Variants in ZBTB48 observed in about 807,000 individuals in gnomAD.
ZBTB48 encodes zinc finger and BTB domain containing 48.
ZBTB48 carries 35 observed loss-of-function variants against 64.5 expected under a neutral mutation model. The observed-to-expected ratio is 0.54, with a 90% CI of 0.41 to 0.72. ZBTB48 has a LOEUF of 0.72. Among genes scored for constraint, ZBTB48 ranks in the 30% least tolerant of loss-of-function variants. The probability of loss-of-function intolerance (pLI) is 0.00; values close to 1 mark genes in which losing one functional copy is unlikely to be tolerated. For synonymous variants in ZBTB48, 442 were observed against 356.7 expected (o/e 1.24, Z -2.70); for missense variants, 828 against 895.3 (o/e 0.92, Z 0.96).
chr1:6,588,485 G>A (rs372632340), intron 9 of ZBTB48, 43 bp downstream of exon 9: 2 of 1,470,614 alleles, frequency 1.4e-6, no homozygotes, highest in South Asian at 2.8e-5. Flanking sequence ...GCTCATCCGA[G>A]TTGGAGGGTC....
chr1:6,586,291 T>C (rs552195651), intron 4 of ZBTB48: 61 of 527,934 alleles, frequency 1.2e-4, no homozygotes, highest in African/African-American at 1.1e-3. Context: ...CACCTCCACC[T>C]TGGCTTTGGA....
chr1:6,580,969 G>A lies in ZBTB48; in HGVS notation c.360G>A (p.Val120=), dbSNP rs747886106. 6.2e-7 allele frequency: 1 copy of A among 1,613,790 alleles called. No individual in the cohort carries two copies. Among genetic ancestry groups the A allele is most frequent in the South Asian group, 1.1e-5 (1 of 91,082 alleles). ...LCQSFKPKTS[V]GQAAGGQSGL... ...AGAGCTTCAAGCCCAAAACTTCAGT[G>A]GGACAGGCAGCAGGTGGCCAGAGTG... Residue 120 remains valine (V), a synonymous_variant, in exon 2 of 11, where the codon GTG becomes GTA. Transcript: ENST00000377674. The surrounding 1 kb of genome is among the most constrained non-coding windows in gnomAD (Gnocchi z 5.2).
intron 2 of ZBTB48, 50 bp downstream of exon 2, chr1:6,581,349 C>T (rs1640449513): frequency 4.0e-6 from 6 of 1,511,724 alleles, no homozygotes; most frequent in Middle Eastern, 3.9e-4. Flanking sequence ...AGGGAATAGA[C>T]ACTTTTTTGG....
chr1:6,582,082 G>A lies in ZBTB48; in HGVS notation c.715G>A (p.Asp239Asn). The A allele has an allele frequency of 6.2e-7, 1 of 1,614,152 alleles. No homozygotes were observed. Among genetic ancestry groups the A allele is most frequent in the Non-Finnish European group, 8.5e-7 (1 of 1,180,012 alleles). The change falls in exon 3 of 11, where the codon GAT (aspartate) becomes AAT (asparagine). Residue 239 changes from aspartate (D) to asparagine (N), a missense_variant. By Grantham distance (23) the Asp-to-Asn change is conservative. Transcript: ENST00000377674. Reference sequence around the variant, plus strand: ...GTGGGAAGTGGTGGTTCAAGTGGAGGATGATGGGGATGGCGATTACATGTC... The same window carrying A: ...GTGGGAAGTGGTGGTTCAAGTGGAGAATGATGGGGATGGCGATTACATGTC... ...NEWEVVVQVE[D>N]DGDGDYMSEP...
In ZBTB48 at chr1:6,588,111, G is replaced by A. The variant is rs749076492; in HGVS notation, c.1431G>A (p.Lys477=). ...TCTGCAGCCACGCCTTCACCCAAAA[G>A]GCCAATCTCAACATGCACCTGCGCA... The part of the protein sequence containing the change: ...CEFCSHAFTQ[K]ANLNMHLRTH... Residue 477 remains lysine (K), a synonymous_variant, in exon 8 of 11, where the codon AAG becomes AAA. Transcript: ENST00000377674. 17 of 1,614,050 alleles carry A rather than the reference G, an allele frequency of 1.1e-5. No individual in the cohort carries two copies. The highest frequency in any genetic ancestry group is 6.7e-5 in the East Asian group (3 of 44,898).
At position 6,580,555 on chromosome 1, in the gene ZBTB48, A is replaced by T; in HGVS notation, c.-55A>T. 1 of 1,552,256 alleles carries T rather than the reference A, an allele frequency of 6.4e-7. No homozygotes were observed. The highest frequency in any genetic ancestry group is 1.4e-5 in the African/African-American group (1 of 72,986). ...CTTGACTCCAGGAGCTTTCTCTTGCATACCCTCGCTTAGGCTGGCCGGGGT... is the reference window on the plus strand; with the variant it reads ...CTTGACTCCAGGAGCTTTCTCTTGCTTACCCTCGCTTAGGCTGGCCGGGGT... On this transcript the variant is annotated 5_prime_UTR_variant, in exon 2 of 11. Coordinates refer to ENST00000377674, the MANE Select transcript of ZBTB48 (RefSeq NM_005341.4). The surrounding 1 kb of genome is among the most constrained non-coding windows in gnomAD (Gnocchi z 5.2).
At position 6,580,479 on chromosome 1, in the gene ZBTB48, G is replaced by A. The variant is rs1640401076; in HGVS notation, c.-69-62G>A. 2.1e-6 allele frequency: 2 copies of A among 964,494 alleles called. No individual in the cohort carries two copies. The highest frequency in any genetic ancestry group is 1.7e-5 in the African/African-American group (1 of 60,210). The allele number at this position is 964,494 out of a possible 1,614,324, so 59.7% of individuals were successfully genotyped here. A position where few individuals can be genotyped will look rare whatever the true frequency, so the allele number is the denominator to read the frequency against. ...ACCCCTCACCCTGACCCAAGCCCTC[G>A]TGCTGATAAATATGATTATTTGAGT... On this transcript the variant is annotated intron_variant, in intron 1 of 10. Coordinates refer to ENST00000377674, the MANE Select transcript of ZBTB48 (RefSeq NM_005341.4). The surrounding 1 kb of genome is among the most constrained non-coding windows in gnomAD (Gnocchi z 5.2).
At chr1:6,583,403 C>T (rs548111557) in intron 3 of ZBTB48, among the ~76,000 whole-genome samples, 5 of 152,034 alleles carry the variant, frequency 3.3e-5, no homozygotes, top group Admixed American at 2.0e-4. Flanking sequence ...TGGGTTCAAG[C>T]GATTCTCCTG....
chr1:6,589,280 A>G lies in ZBTB48; in HGVS notation c.*68A>G. 6.9e-7 allele frequency: 1 copy of G among 1,454,874 alleles called. No individual in the cohort carries two copies. The highest frequency in any genetic ancestry group is 9.0e-7 in the Non-Finnish European group (1 of 1,109,658). The allele number at this position is 1,454,874 out of a possible 1,614,324, so 90.1% of individuals were successfully genotyped here. A position where few individuals can be genotyped will look rare whatever the true frequency, so the allele number is the denominator to read the frequency against. On this transcript the variant is annotated 3_prime_UTR_variant, in exon 11 of 11. Coordinates refer to ENST00000377674, the MANE Select transcript of ZBTB48 (RefSeq NM_005341.4). ...AAACCGTGTGGCTTTGGACTCTCGT[A>G]TTTCAGCCTGACAGTCTGTTCCCGT...
Position 6,580,234 on chromosome 1 carries a change from C to T in ZBTB48, c.-70+98C>T, listed in dbSNP as rs1368846671. 4.6e-6 allele frequency: 1 copy of T among 217,060 alleles called. No individual in the cohort carries two copies. The highest frequency in any genetic ancestry group is 9.3e-6 in the Non-Finnish European group (1 of 107,056). The allele number at this position is 217,060 out of a possible 1,614,324, so 13.4% of individuals were successfully genotyped here. On this transcript the variant is annotated intron_variant, in intron 1 of 10. Coordinates refer to ENST00000377674, the MANE Select transcript of ZBTB48 (RefSeq NM_005341.4). The surrounding 1 kb of genome is among the most constrained non-coding windows in gnomAD (Gnocchi z 5.2). The stretch of plus-strand genomic sequence containing the variant: ...ACCTGTGGGCGCGGCGTGGGCTTCG[C>T]TCACCTGTCCCCGGCTGCCGCCCTC...
At chr1:6,587,657 G>T (rs778642154) in intron 7 of ZBTB48, 25 bp downstream of exon 7, 1 of 1,610,766 alleles carries the variant, frequency 6.2e-7, no homozygotes. Flanking sequence ...TTCTCTCTTG[G>T]GGCCCAGTCC....
At chr1:6,585,847 A>C (rs1269305782) in intron 3 of ZBTB48, 72 bp from the exon 4 acceptor site, 15 of 1,473,322 alleles carry the variant, frequency 1.0e-5, no homozygotes, top group Non-Finnish European at 1.4e-5. Flanking sequence ...GAAGGGACCC[A>C]GAGGGGGCCC....
At position 6,580,609 on chromosome 1, in the gene ZBTB48, C is replaced by T. The variant is rs2148682408; in HGVS notation, c.-1C>T. 5 of 1,607,434 alleles carry T rather than the reference C, an allele frequency of 3.1e-6. No homozygotes were observed. Among genetic ancestry groups the T allele is most frequent in the Middle Eastern group, 1.8e-4 (1 of 5,686 alleles). ...ACTTCTGCCTCCCTGCCCTCCAGAC[C>T]ATGGACGGCTCCTTCGTCCAGCACA... On this transcript the variant is annotated 5_prime_UTR_variant, in exon 2 of 11. Transcript: ENST00000377674. This position sits in a 1 kb window ranked among gnomAD's most constrained non-coding sequence, Gnocchi z 5.2.
chr1:6,586,413 C>T (rs1640668769), intron 4 of ZBTB48: 3 of 560,574 alleles, frequency 5.4e-6, no homozygotes, highest in East Asian at 3.3e-5. Context: ...CCCACTCTTC[C>T]TAGAGGCCTG....
chr1:6,588,483 G>T, intron 9 of ZBTB48, 41 bp downstream of exon 9: 1 of 1,471,008 alleles, frequency 6.8e-7, no homozygotes, highest in South Asian at 1.4e-5. Context: ...CTGCTCATCC[G>T]AGTTGGAGGG....
chr1:6,580,079 G>T lies in ZBTB48; in HGVS notation c.-127G>T. The T allele has an allele frequency of 5.2e-6, 1 of 192,696 alleles. No homozygotes were observed. Among genetic ancestry groups the T allele is most frequent in the Non-Finnish European group, 1.1e-5 (1 of 91,744 alleles). 11.9% of individuals were successfully genotyped at this position (192,696 alleles called of 1,614,324 possible). A position where few individuals can be genotyped will look rare whatever the true frequency, so the allele number is the denominator to read the frequency against. ...GCATAGCCGGGCACTAGGTTCGTGG[G>T]CTGTGGAGGCGACGGAGCAGGGGGC... On this transcript the variant is annotated 5_prime_UTR_variant, in exon 1 of 11. Transcript: ENST00000377674. The surrounding 1 kb of genome is among the most constrained non-coding windows in gnomAD (Gnocchi z 5.2).
chr1:6,581,273 G>A lies in ZBTB48; in HGVS notation c.664G>A (p.Ala222Thr), dbSNP rs1255711452. 6.2e-7 allele frequency: 1 copy of A among 1,606,664 alleles called. No individual in the cohort carries two copies. Among genetic ancestry groups the A allele is most frequent in the Non-Finnish European group, 8.5e-7 (1 of 1,176,954 alleles). ...VPPRPLEAEG[A>T]QLQGGSNEWE... is the part of the protein sequence containing the mutation. Reference sequence around the variant, plus strand: ...CCCAAGGCCCTTAGAGGCTGAAGGTGCCCAGCTGCAGGGCGGCAGTAATGA... The same window carrying A: ...CCCAAGGCCCTTAGAGGCTGAAGGTACCCAGCTGCAGGGCGGCAGTAATGA... The change falls in exon 2 of 11, where the codon GCC (alanine) becomes ACC (threonine). Residue 222 changes from alanine (A) to threonine (T), a missense_variant. Ala to Thr is a moderately conservative substitution (Grantham distance 58). Coordinates refer to ENST00000377674, the MANE Select transcript of ZBTB48 (RefSeq NM_005341.4).
rs1388671150 is a variant in ZBTB48 at position 6,587,909 on chromosome 1, T to C, written c.1380-151T>C. 6 of 1,201,840 alleles carry C rather than the reference T, an allele frequency of 5.0e-6. No individual in the cohort carries two copies. In the East Asian group the frequency reaches 1.0e-4, roughly 21 times the overall value. The allele number at this position is 1,201,840 out of a possible 1,614,324, so 74.4% of individuals were successfully genotyped here. A position where few individuals can be genotyped will look rare whatever the true frequency, so the allele number is the denominator to read the frequency against. The stretch of plus-strand genomic sequence containing the variant: ...CTTAGTTTCCTGTGACTCCTGCTCA[T>C]AGATTGTCCTTCTGCTCTCGGGGTG... On this transcript the variant is annotated intron_variant, in intron 7 of 10. Transcript: ENST00000377674.
In ZBTB48 at chr1:6,587,254, A is replaced by G; in HGVS notation, c.1187A>G (p.His396Arg). 1 of 1,614,082 alleles carries G rather than the reference A, an allele frequency of 6.2e-7. No individual in the cohort carries two copies. Among genetic ancestry groups the G allele is most frequent in the Non-Finnish European group, 8.5e-7 (1 of 1,180,034 alleles). ...QFMQKKDLQS[H>R]MIKLHGAPKP... The stretch of plus-strand genomic sequence containing the variant: ...ATGCAGAAGAAGGACTTGCAGAGCC[A>G]CATGATCAAACTTCATGGAGCCCCC... Residue 396 changes from histidine (H) to arginine (R), a missense_variant, in exon 6 of 11, where the codon CAC (histidine) becomes CGC (arginine). Physicochemically the swap from His to Arg is conservative, Grantham distance 29. Coordinates refer to ENST00000377674, the MANE Select transcript of ZBTB48 (RefSeq NM_005341.4).
Sources: gnomAD v4.1 joint callset for allele counts (sites outside exome capture counted in the v4.1 genomes callset) on GRCh38, gnomAD v4.1.1 for gene constraint, Gnocchi (gnomAD v3.1) non-coding constraint, MANE v1.5 for transcripts, NCBI Gene and HGNC (gene_info 2026-07-23, HGNC 2026-07-21) for gene names.